Variants in PCDHGA11 observed in about 807,000 individuals in gnomAD.
PCDHGA11 encodes protocadherin gamma subfamily A, 11.
Under a neutral mutation model 60.4 loss-of-function variants are expected in PCDHGA11, and 39 were observed. The observed-to-expected ratio is 0.65, with a 90% confidence interval of 0.50 to 0.84. The LOEUF (loss-of-function observed/expected upper bound fraction) is 0.84. Ranked by LOEUF, PCDHGA11 falls within the 40% of genes least tolerant of loss-of-function variation. The probability of loss-of-function intolerance (pLI) is 0.00; values close to 1 mark genes in which losing one functional copy is unlikely to be tolerated. For missense variants in PCDHGA11, 1,165 were observed against 1,197.7 expected (o/e 0.97, Z 0.40); for synonymous variants, 533 against 510.3 (o/e 1.04, Z -0.60).
intron 1 of PCDHGA11, chr5:141,441,260 A>G (rs1217151195): frequency 1.3e-5 from 2 of 152,222 alleles, no homozygotes; most frequent in Non-Finnish European, 2.9e-5. Context: ...AAATCACAAG[A>G]TCTGGATTCG....
rs202006594 is a variant in PCDHGA11, at chr5:141,477,618, C to A, written c.2434-17189C>A. 15 of 1,614,176 alleles carry A rather than the reference C, an allele frequency of 9.3e-6. No homozygotes were observed. The African/African-American group carries it at 1.3e-4, about 14-fold the overall frequency. ...TCTTTCTTTCTCTTGGAGCAAGGAGCTGAAACCGGGCTAGTGGGTCGCTAT... is the reference window on the plus strand; with the variant it reads ...TCTTTCTTTCTCTTGGAGCAAGGAGATGAAACCGGGCTAGTGGGTCGCTAT... On this transcript the variant is annotated intron_variant, in intron 1 of 3. Coordinates refer to ENST00000398587, the MANE Select transcript of PCDHGA11 (RefSeq NM_018914.3). The surrounding 1 kb of genome is among the most constrained non-coding windows in gnomAD (Gnocchi z 4.9).
At chr5:141,502,300 TTCCTC>T (rs139569110) in intron 2 of PCDHGA11, among the ~76,000 whole-genome samples, 4,853 of 152,256 alleles carry the variant, frequency 0.032, 250 homozygotes, top group African/African-American at 0.11. Flanking sequence ...TGTCACGTCT[TTCCTC>T]TCCTTTAATC....
At chr5:141,462,474 C>T (rs2099040477) in intron 1 of PCDHGA11, among the ~76,000 whole-genome samples, 1 of 151,994 alleles carries the variant, frequency 6.6e-6, no homozygotes, top group South Asian at 2.1e-4. Flanking sequence ...TATTCTGCTT[C>T]TCGTGGTTGT....
Position 141,477,029 on chromosome 5 carries a change from A to G in PCDHGA11, c.2434-17778A>G. 6.2e-7 allele frequency: 1 copy of G among 1,614,238 alleles called. No homozygotes were observed. The highest frequency in any genetic ancestry group is 8.5e-7 in the Non-Finnish European group (1 of 1,180,040). ...CTTAGACCTTGTAACCGGGATGCTG[A>G]CAATCAAGGGTCGGCTGGACTTCGA... On this transcript the variant is annotated intron_variant, in intron 1 of 3. Coordinates refer to ENST00000398587, the MANE Select transcript of PCDHGA11 (RefSeq NM_018914.3). The surrounding 1 kb of genome is among the most constrained non-coding windows in gnomAD (Gnocchi z 4.9).
At chr5:141,430,404 A>T (rs1054341813) in intron 1 of PCDHGA11, among the ~76,000 whole-genome samples, 2 of 152,000 alleles carry the variant, frequency 1.3e-5, no homozygotes, top group African/African-American at 4.8e-5. Flanking sequence ...AAAGCTCACT[A>T]AAGTTTCTAT....
Position 141,431,051 on chromosome 5 carries a change from G to C in PCDHGA11, c.2433+7391G>C, listed in dbSNP as rs1280440001. On this transcript the variant is annotated intron_variant, in intron 1 of 3. Coordinates refer to ENST00000398587, the MANE Select transcript of PCDHGA11 (RefSeq NM_018914.3). This position sits in a 1 kb window ranked among gnomAD's most constrained non-coding sequence, Gnocchi z 4.8. ...GATAGACCGGGAGGAGCTCTGTATGGGGGCCATCAAGTGTCAATTAAATCT... is the reference window on the plus strand; with the variant it reads ...GATAGACCGGGAGGAGCTCTGTATGCGGGCCATCAAGTGTCAATTAAATCT... 3 of 1,614,218 alleles carry C rather than the reference G, an allele frequency of 1.9e-6. No homozygotes were observed. Among genetic ancestry groups the C allele is most frequent in the East Asian group, 2.2e-5 (1 of 44,886 alleles).
In PCDHGA11 at chr5:141,491,736, G is replaced by T; in HGVS notation, c.2434-3071G>T. The T allele has an allele frequency of 6.2e-7, 1 of 1,600,560 alleles. No individual in the cohort carries two copies. Among genetic ancestry groups the T allele is most frequent in the Non-Finnish European group, 8.5e-7 (1 of 1,174,270 alleles). ...CGGCGCCGCCCCGGGCGACCCCTGG[G>T]GGCGGCACTGGAGAAGCCGCCCGTC... On this transcript the variant is annotated intron_variant, in intron 1 of 3. Coordinates refer to ENST00000398587, the MANE Select transcript of PCDHGA11 (RefSeq NM_018914.3). This position sits in a 1 kb window ranked among gnomAD's most constrained non-coding sequence, Gnocchi z 6.9.
chr5:141,494,751 G>A, intron 1 of PCDHGA11, 56 bp from the exon 2 acceptor site: 2 of 1,613,426 alleles, frequency 1.2e-6, no homozygotes, highest in Non-Finnish European at 8.5e-7. Flanking sequence ...AGGGGCTCGG[G>A]TGACATTCTA....
At position 141,483,010 on chromosome 5, in the gene PCDHGA11, G is replaced by A. The variant is rs574078222; in HGVS notation, c.2434-11797G>A. Among the ~76,000 whole-genome samples the A allele has an allele frequency of 1.3e-3, 204 of 152,122 alleles. 1 individual carries two copies. Among genetic ancestry groups the A allele is most frequent in the African/African-American group, 4.0e-3 (168 of 41,498 alleles). On this transcript the variant is annotated intron_variant, in intron 1 of 3. Coordinates refer to ENST00000398587, the MANE Select transcript of PCDHGA11 (RefSeq NM_018914.3). Reference sequence around the variant, plus strand: ...CGAGGCAGGAGAATTGCTTGAACCCGGGAGGCAGAGGTTGCAATGAGCTGG... The same window carrying A: ...CGAGGCAGGAGAATTGCTTGAACCCAGGAGGCAGAGGTTGCAATGAGCTGG...
intron 1 of PCDHGA11, among the ~76,000 whole-genome samples, chr5:141,439,631 A>C (rs1459977985): frequency 2.0e-5 from 3 of 152,214 alleles, no homozygotes; most frequent in Non-Finnish European, 2.9e-5. Context: ...ATCCCCAGAC[A>C]TTCCGGCTTG....
chr5:141,425,695 T>C (rs1329762653), intron 1 of PCDHGA11, among the ~76,000 whole-genome samples: 1 of 152,232 alleles, frequency 6.6e-6, no homozygotes, highest in Non-Finnish European at 1.5e-5. Context: ...TATCATTTCA[T>C]AGTGGTCAAA....
At chr5:141,428,489 T>C (rs2097142285) in intron 1 of PCDHGA11, 1 of 312,516 alleles carries the variant, frequency 3.2e-6, no homozygotes. Context: ...TCCTGCAATC[T>C]GTATGTTCCC....
intron 1 of PCDHGA11, among the ~76,000 whole-genome samples, chr5:141,474,000 C>T (rs2099336161): frequency 6.6e-6 from 1 of 152,076 alleles, no homozygotes. Context: ...GCCCAAGGAG[C>T]TGGAAGTTAC....
At chr5:141,426,445 A>T (rs2096937062) in intron 1 of PCDHGA11, 1 of 310,256 alleles carries the variant, frequency 3.2e-6, no homozygotes, top group East Asian at 8.0e-5. Context: ...TGCGGAGGAC[A>T]TGCGGCTGCA....
chr5:141,446,138 T>C (rs1254949926), intron 1 of PCDHGA11, among the ~76,000 whole-genome samples: 1 of 152,208 alleles, frequency 6.6e-6, no homozygotes, highest in African/African-American at 2.4e-5. Context: ...GACTTAATAA[T>C]GGAATAGGTG....
At chr5:141,457,568 T>A (rs1397626206) in intron 1 of PCDHGA11, among the ~76,000 whole-genome samples, 1 of 152,190 alleles carries the variant, frequency 6.6e-6, no homozygotes, top group African/African-American at 2.4e-5. Context: ...TGGAGCAAAA[T>A]TTTTCTCTCC....
intron 1 of PCDHGA11, among the ~76,000 whole-genome samples, chr5:141,451,364 C>T (rs970149151): frequency 3.9e-5 from 6 of 152,078 alleles, no homozygotes; most frequent in Middle Eastern, 3.2e-3. Context: ...AGGATGGATC[C>T]GCTTCTAATC....
chr5:141,439,632 T>C (rs1335553818), intron 1 of PCDHGA11, among the ~76,000 whole-genome samples: 1 of 152,182 alleles, frequency 6.6e-6, no homozygotes, highest in Non-Finnish European at 1.5e-5. Context: ...TCCCCAGACA[T>C]TCCGGCTTGG....
chr5:141,472,009 G>A (rs917861040), intron 1 of PCDHGA11, among the ~76,000 whole-genome samples: 11 of 152,074 alleles, frequency 7.2e-5, no homozygotes, highest in African/African-American at 2.7e-4. Flanking sequence ...TCGTATAGGG[G>A]CACTATATTG....
Sources: allele counts gnomAD v4.1 joint callset (sites outside exome capture counted in the v4.1 genomes callset), GRCh38; gene constraint gnomAD v4.1.1; non-coding constraint Gnocchi (gnomAD v3.1); transcripts MANE v1.5; gene names NCBI Gene and HGNC (gene_info 2026-07-23, HGNC 2026-07-21).